Variants in PVALB observed in about 807,000 individuals in gnomAD.
The protein encoded by PVALB is parvalbumin alpha.
PVALB carries 11 observed loss-of-function variants against 10.9 expected under a neutral mutation model. That is an observed-to-expected ratio of 1.01 (90% CI 0.63 to 1.67). The LOEUF (loss-of-function observed/expected upper bound fraction) is 1.67. Ranked by LOEUF, PVALB falls within the 40% of genes most tolerant of loss-of-function variation. The pLI, the probability that PVALB is intolerant of heterozygous loss-of-function variation, is 0.00. For missense variants in PVALB, 131 were observed against 136.2 expected, an observed-to-expected ratio of 0.96 and a Z score of 0.19; for synonymous variants, 57 against 50.7, an observed-to-expected ratio of 1.12 and a Z score of -0.53.
At chr22:36,816,858 G>C in intron 1 of PVALB, 87 bp downstream of exon 1, 1 of 1,214,790 alleles carries the variant, frequency 8.2e-7, no homozygotes, top group South Asian at 1.4e-5. Context: ...CGCTGGGGAG[G>C]ATCCGCCGGC....
At chr22:36,803,530 G>C (rs1938902396) in intron 3 of PVALB, among the ~76,000 whole-genome samples, 1 of 151,622 alleles carries the variant, frequency 6.6e-6, no homozygotes, top group Non-Finnish European at 1.5e-5. Context: ...ATGGACAGAT[G>C]GAGGGAGGGA....
In PVALB at chr22:36,815,213, T is replaced by C. The variant is rs780779559; in HGVS notation, c.84A>G (p.Lys28=). The change falls in exon 2 of 4, where the codon AAA becomes AAG. Residue 28 remains lysine (K), a synonymous_variant. Coordinates refer to ENST00000417718, the MANE Select transcript of PVALB (RefSeq NM_001315532.2). ...TCAGGCCGACCATTTGGAAGAACTT[T>C]TTGTGGTCGAAGGAGTCGGTAGCTG... is the stretch of plus-strand genomic sequence containing the variant. ...AFSATDSFDH[K]KFFQMVGLKK... is the part of the protein sequence containing the mutation. 4 of 1,614,030 alleles carry C rather than the reference T, an allele frequency of 2.5e-6. No individual in the cohort carries two copies. Among genetic ancestry groups the C allele is most frequent in the South Asian group, 1.1e-5 (1 of 91,086 alleles).
At chr22:36,801,231 A>G (rs771739730) in intron 3 of PVALB, among the ~76,000 whole-genome samples, 14 of 152,218 alleles carry the variant, frequency 9.2e-5, no homozygotes, top group Non-Finnish European at 1.8e-4. Flanking sequence ...TGCTTATCAT[A>G]TGCCAGGCAC....
chr22:36,800,835 C>A lies in PVALB; in HGVS notation c.*55G>T, dbSNP rs181855770. On this transcript the variant is annotated 3_prime_UTR_variant, in exon 4 of 4. Coordinates refer to ENST00000417718, the MANE Select transcript of PVALB (RefSeq NM_001315532.2). ...AAATGCAGGAGGGTGGCGAGAGGGG[C>A]CGAGATTGGGTGTTCAGGGCAGAGA... is the stretch of plus-strand genomic sequence containing the variant. 1.3e-6 allele frequency: 2 copies of A among 1,548,764 alleles called. No individual in the cohort carries two copies. Among genetic ancestry groups the A allele is most frequent in the African/African-American group, 2.7e-5 (2 of 73,520 alleles).
intron 3 of PVALB, among the ~76,000 whole-genome samples, chr22:36,809,881 CGTTTT>C (rs903591332): frequency 8.7e-5 from 7 of 80,500 alleles, no homozygotes; most frequent in Non-Finnish European, 1.1e-4. Context: ...TTTGGTTTTT[CGTTTT>C]GTTTTGTTTT....
chr22:36,815,348 G>T, intron 1 of PVALB, 113 bp from the exon 2 acceptor site: 2 of 1,409,846 alleles, frequency 1.4e-6, no homozygotes, highest in South Asian at 1.2e-5. Flanking sequence ...CAGTCATGGG[G>T]AATGAGAGGT....
chr22:36,816,342 T>A (rs1364177326), intron 1 of PVALB: 1 of 152,298 alleles, frequency 6.6e-6, no homozygotes, highest in Non-Finnish European at 1.5e-5. Context: ...TCCCCTCCCC[T>A]GCCCGCCTAA....
intron 3 of PVALB, among the ~76,000 whole-genome samples, chr22:36,807,870 G>A (rs978110387): frequency 2.0e-5 from 3 of 152,220 alleles, no homozygotes; most frequent in Non-Finnish European, 4.4e-5. Flanking sequence ...TTGCCAGAGG[G>A]AAGCAGAAAA....
chr22:36,815,898 G>A (rs1225948860), intron 1 of PVALB, among the ~76,000 whole-genome samples: 4 of 152,060 alleles, frequency 2.6e-5, no homozygotes, highest in Non-Finnish European at 5.9e-5. Flanking sequence ...GACCCTGGGA[G>A]GGTGGCTTCC....
intron 3 of PVALB, among the ~76,000 whole-genome samples, chr22:36,807,178 G>A (rs779625298): frequency 1.3e-5 from 2 of 152,240 alleles, no homozygotes; most frequent in Admixed American, 6.5e-5. Context: ...GCTTAGGGGA[G>A]GGAGTGGTGG....
intron 1 of PVALB, among the ~76,000 whole-genome samples, chr22:36,816,075 A>C (rs931230223): frequency 7.0e-6 from 1 of 142,980 alleles, no homozygotes; most frequent in Non-Finnish European, 1.5e-5. Context: ...GTGTGTGTGT[A>C]GGGAATGGCT....
chr22:36,816,810 A>T (rs1939146169), intron 1 of PVALB, 135 bp downstream of exon 1: 2 of 693,758 alleles, frequency 2.9e-6, no homozygotes, highest in East Asian at 6.6e-5. Flanking sequence ...CCCCGCCCCG[A>T]CCTCGCCGGC....
At chr22:36,808,418 T>C (rs376713487) in intron 3 of PVALB, among the ~76,000 whole-genome samples, 1 of 152,150 alleles carries the variant, frequency 6.6e-6, no homozygotes, top group Admixed American at 6.5e-5. Context: ...CAGAGGGTCC[T>C]GGCTGGACCA....
At chr22:36,805,368 T>C (rs145898748) in intron 3 of PVALB, among the ~76,000 whole-genome samples, 3 of 152,326 alleles carry the variant, frequency 2.0e-5, no homozygotes, top group Non-Finnish European at 2.9e-5. Flanking sequence ...TATCTGGTGG[T>C]GTTGCAACCA....
chr22:36,808,688 C>T (rs1267430060), intron 3 of PVALB, among the ~76,000 whole-genome samples: 1 of 152,184 alleles, frequency 6.6e-6, no homozygotes, highest in Admixed American at 6.5e-5. Flanking sequence ...GCCATAGGCC[C>T]TCCAGGTGAT....
intron 3 of PVALB, among the ~76,000 whole-genome samples, chr22:36,807,534 A>T (rs1938971411): frequency 6.6e-6 from 1 of 152,208 alleles, no homozygotes; most frequent in African/African-American, 2.4e-5. Context: ...GAGGATTGAG[A>T]TTCCACCACT....
intron 3 of PVALB, among the ~76,000 whole-genome samples, chr22:36,812,826 A>C (rs1237461551): frequency 1.3e-5 from 2 of 152,262 alleles, no homozygotes; most frequent in Non-Finnish European, 2.9e-5. Context: ...AGCTCTTTCA[A>C]CTAGGCTAAG....
intron 3 of PVALB, among the ~76,000 whole-genome samples, chr22:36,809,863 T>TTTG (rs1186482618): frequency 6.6e-6 from 1 of 151,414 alleles, no homozygotes; most frequent in East Asian, 1.9e-4. Flanking sequence ...ATGTTTTTTT[T>TTTG]TTTTTTTTTT....
chr22:36,815,786 A>G (rs1464451447), intron 1 of PVALB, among the ~76,000 whole-genome samples: 1 of 151,998 alleles, frequency 6.6e-6, no homozygotes, highest in East Asian at 1.9e-4. Context: ...GCAGAAATCC[A>G]CTTCGGAGGC....
Sources: gnomAD v4.1 joint callset for allele counts (sites outside exome capture counted in the v4.1 genomes callset) on GRCh38, gnomAD v4.1.1 for gene constraint, MANE v1.5 for transcripts, NCBI Gene and HGNC (gene_info 2026-07-23, HGNC 2026-07-21) for gene names.